LAMA2: variants seen among roughly 807,000 people sequenced by gnomAD.
LAMA2 encodes laminin subunit alpha 2.
LAMA2 carries 269 observed loss-of-function variants against 364.8 expected under a neutral mutation model. The ratio of observed to expected loss-of-function variants is 0.74; its 90% CI spans 0.67 to 0.82. LAMA2 has a LOEUF of 0.82. LAMA2 is among the 40% of genes least tolerant of loss of function. LAMA2 has a pLI of 0.00. For missense variants in LAMA2, 3,807 were observed against 3,873.2 expected, an observed-to-expected ratio of 0.98 and a Z score of 0.45; for synonymous variants, 1,379 against 1,370.6, an observed-to-expected ratio of 1.01 and a Z score of -0.14.
chr6:129,135,521 A>G (rs1777740092), intron 4 of LAMA2, among the ~76,000 whole-genome samples: 1 of 152,242 alleles, frequency 6.6e-6, no homozygotes, highest in Non-Finnish European at 1.5e-5. Flanking sequence ...TAAGTTTGCA[A>G]GAATAACTAC....
chr6:129,515,294 A>C (rs2114943132), intron 64 of LAMA2, among the ~76,000 whole-genome samples: 1 of 152,372 alleles, frequency 6.6e-6, no homozygotes, highest in Non-Finnish European at 1.5e-5. Flanking sequence ...TGCTAAATGA[A>C]ACAAGCAAAA....
At chr6:129,479,627 A>AT (rs1489726423) in intron 54 of LAMA2, 6 of 152,192 alleles carry the variant, frequency 3.9e-5, no homozygotes, top group African/African-American at 1.4e-4. Flanking sequence ...ATTCTCATAC[A>AT]TTTTTAATTA....
At position 129,478,719 on chromosome 6, in the gene LAMA2, C is replaced by T; in HGVS notation, c.7478C>T (p.Ser2493Phe). ...ARPEVNLKKY[S>F]GCLKDIEISR... The stretch of plus-strand genomic sequence containing the variant: ...CCAGAAGTAAATCTGAAGAAATATT[C>T]CGGCTGCCTCAAAGATATTGAAATT... Residue 2493 changes from serine (S) to phenylalanine (F), a missense_variant, in exon 54 of 65, where the codon TCC becomes TTC. Ser to Phe is a radical substitution (Grantham distance 155). This residue lies in a region of LAMA2 where 3,333 missense variants were observed against 3,345.7 expected (regional missense o/e 1.00). Coordinates refer to ENST00000421865, the MANE Select transcript of LAMA2 (RefSeq NM_000426.4). The T allele has an allele frequency of 6.2e-7, 1 of 1,613,342 alleles. No homozygotes were observed. Among genetic ancestry groups the T allele is most frequent in the Non-Finnish European group, 8.5e-7 (1 of 1,179,376 alleles).
rs898880981 is a variant in LAMA2, at chr6:128,905,405, G to A, written c.112+22048G>A. The A allele has an allele frequency of 2.0e-5, 3 of 151,888 alleles. No homozygotes were observed. In the South Asian group the frequency reaches 6.2e-4, roughly 32 times the overall value. 9.4% of individuals were successfully genotyped at this position (151,888 alleles called of 1,614,324 possible). On this transcript the variant is annotated intron_variant, in intron 1 of 64. Coordinates refer to ENST00000421865, the MANE Select transcript of LAMA2 (RefSeq NM_000426.4). ...TTTTTTCTGTTCCATTGCAGGCATA[G>A]TACCAATTCTGTGTCAGGCATTTTA...
chr6:129,068,298 T>A (rs1296417773), intron 3 of LAMA2, among the ~76,000 whole-genome samples: 1 of 152,226 alleles, frequency 6.6e-6, no homozygotes, highest in Non-Finnish European at 1.5e-5. Context: ...TGAATGGCAT[T>A]GTTTTAGTCT....
chr6:129,048,504 C>A (rs1787730886), intron 1 of LAMA2, among the ~76,000 whole-genome samples: 2 of 42,026 alleles, frequency 4.8e-5, no homozygotes, highest in African/African-American at 8.8e-5. Flanking sequence ...TTCCTTCCTT[C>A]CTTCCTTCCT....
chr6:129,033,013 TA>T (rs1186662120), intron 1 of LAMA2, among the ~76,000 whole-genome samples: 3 of 151,976 alleles, frequency 2.0e-5, no homozygotes, highest in South Asian at 2.1e-4. Context: ...CTGAGACGTC[TA>T]AAAAAATGGA....
At chr6:129,327,651 T>A (rs1775380519) in intron 28 of LAMA2, among the ~76,000 whole-genome samples, 1 of 152,186 alleles carries the variant, frequency 6.6e-6, no homozygotes, top group African/African-American at 2.4e-5. Context: ...AAGATGGAAG[T>A]CTTGATTTTG....
intron 1 of LAMA2, among the ~76,000 whole-genome samples, chr6:128,945,905 T>C (rs1289669067): frequency 3.9e-5 from 6 of 152,228 alleles, no homozygotes; most frequent in Non-Finnish European, 8.8e-5. Context: ...TTCAAGCTAC[T>C]CAAAAGGAAG....
intron 60 of LAMA2, among the ~76,000 whole-genome samples, chr6:129,504,614 G>C (rs1335791367): frequency 6.6e-6 from 1 of 152,132 alleles, no homozygotes; most frequent in Non-Finnish European, 1.5e-5. Flanking sequence ...TGTCTCAGAA[G>C]ATAATTCACT....
intron 34 of LAMA2, among the ~76,000 whole-genome samples, chr6:129,380,076 G>C (rs1296379442): frequency 1.3e-5 from 2 of 152,126 alleles, no homozygotes; most frequent in African/African-American, 2.4e-5. Flanking sequence ...ACCTAACAAA[G>C]TCACTACCCA....
At chr6:128,981,515 A>C (rs2114639377) in intron 1 of LAMA2, among the ~76,000 whole-genome samples, 1 of 150,422 alleles carries the variant, frequency 6.6e-6, no homozygotes, top group East Asian at 2.0e-4. Context: ...GGCCAAGGCC[A>C]GCAGATCACT....
At chr6:128,972,507 T>C (rs1245357424) in intron 1 of LAMA2, among the ~76,000 whole-genome samples, 1 of 152,210 alleles carries the variant, frequency 6.6e-6, no homozygotes. Flanking sequence ...CAACAAATGA[T>C]AGACATTACT....
intron 53 of LAMA2, 24 bp from the exon 54 acceptor site, chr6:129,478,669 G>C: frequency 6.2e-7 from 1 of 1,612,408 alleles, no homozygotes; most frequent in Non-Finnish European, 8.5e-7. Context: ...TATTGCTTTT[G>C]CTTTTCATTT....
intron 8 of LAMA2, among the ~76,000 whole-genome samples, chr6:129,155,503 C>A (rs1779057569): frequency 6.6e-6 from 1 of 152,002 alleles, no homozygotes; most frequent in Non-Finnish European, 1.5e-5. Flanking sequence ...CCTGTATCTT[C>A]TCTTATGAAG....
intron 9 of LAMA2, among the ~76,000 whole-genome samples, chr6:129,167,140 A>T (rs1226837496): frequency 6.6e-5 from 10 of 152,058 alleles, no homozygotes; most frequent in Non-Finnish European, 1.3e-4. Context: ...AAAAATATTG[A>T]GCCTTTTTTC....
At chr6:128,950,660 C>T (rs1218660063) in intron 1 of LAMA2, among the ~76,000 whole-genome samples, 1 of 152,028 alleles carries the variant, frequency 6.6e-6, no homozygotes. Context: ...TATGTCACCT[C>T]TCATGCCTCT....
intron 1 of LAMA2, among the ~76,000 whole-genome samples, chr6:128,926,282 G>T (rs1779092746): frequency 2.0e-5 from 3 of 152,004 alleles, no homozygotes; most frequent in Admixed American, 6.6e-5. Context: ...CTTTGGTCAT[G>T]GTGGCAATAG....
At chr6:129,278,200 T>C (rs958769723) in intron 17 of LAMA2, among the ~76,000 whole-genome samples, 5 of 152,142 alleles carry the variant, frequency 3.3e-5, no homozygotes, top group Non-Finnish European at 5.9e-5. Context: ...AGACTCTGTC[T>C]CAAATAAAAT....
Sources: gnomAD v4.1 joint callset for allele counts (sites outside exome capture counted in the v4.1 genomes callset) on GRCh38, gnomAD v4.1.1 for gene constraint, gnomAD v4.1.1 regional missense constraint, MANE v1.5 for transcripts, NCBI Gene and HGNC (gene_info 2026-07-23, HGNC 2026-07-21) for gene names.